ZBTB17: variants seen among roughly 807,000 people sequenced by gnomAD.
ZBTB17 encodes zinc finger and BTB domain-containing protein 17.
A neutral mutation model predicts 85.1 loss-of-function variants in ZBTB17; 24 were observed. That is an observed-to-expected ratio of 0.28 (90% confidence interval 0.20 to 0.40). The LOEUF (loss-of-function observed/expected upper bound fraction) is 0.40, where lower values mean the gene tolerates loss of function less well. Among genes scored for constraint, ZBTB17 ranks in the 10% least tolerant of loss-of-function variants. ZBTB17 has a pLI of 1.00. For synonymous variants in ZBTB17, 464 were observed against 460.2 expected (o/e 1.01, Z -0.11); for missense variants, 743 against 1,105.1 (o/e 0.67, Z 4.65).
At position 15,975,954 on chromosome 1, in the gene ZBTB17, C is replaced by A. The variant is rs371531378; in HGVS notation, c.-90+29G>T. The A allele has an allele frequency of 1.2e-4, 82 of 699,318 alleles. No individual in the cohort carries two copies. Among genetic ancestry groups the A allele is most frequent in the African/African-American group, 6.3e-4 (36 of 57,140 alleles). The allele number at this position is 699,318 out of a possible 1,614,324, so 43.3% of individuals were successfully genotyped here. On this transcript the variant is annotated intron_variant, in intron 1 of 15. Coordinates refer to ENST00000375743, the MANE Select transcript of ZBTB17 (RefSeq NM_003443.3). ...CCTCCGCCCCGGCTCCCGGGACTTC[C>A]CCGGCCCCGGGCGATTGTTGACACT...
At chr1:15,970,017 GGAT>G in intron 2 of ZBTB17, 1 of 784,898 alleles carries the variant, frequency 1.3e-6, no homozygotes, top group Non-Finnish European at 2.1e-6. Context: ...GCATTCACTG[GGAT>G]GATGCTTTTC....
At position 15,944,959 on chromosome 1, in the gene ZBTB17, C is replaced by G; in HGVS notation, c.905G>C (p.Gly302Ala). ...CACCTCGCACTTGTGGATGACGGAG[C>G]CGTAGGCCTTGGACTCCGTGCGGTC... ...YGDRTESKAY[G>A]SVIHKCEDCG... The change falls in exon 7 of 16, where the codon GGC becomes GCC. Residue 302 changes from glycine to alanine, a missense_variant. Physicochemically the swap from Gly to Ala is moderately conservative, Grantham distance 60. This residue lies in a region of ZBTB17 where 279 missense variants were observed against 269.9 expected (regional missense o/e 1.03). Coordinates refer to ENST00000375743, the MANE Select transcript of ZBTB17 (RefSeq NM_003443.3). 1 of 1,580,372 alleles carries G rather than the reference C, an allele frequency of 6.3e-7. No individual in the cohort carries two copies. Among genetic ancestry groups the G allele is most frequent in the Non-Finnish European group, 8.6e-7 (1 of 1,166,266 alleles).
At chr1:15,955,791 A>G (rs1248238802) in intron 2 of ZBTB17, among the ~76,000 whole-genome samples, 1 of 152,192 alleles carries the variant, frequency 6.6e-6, no homozygotes, top group East Asian at 1.9e-4. Context: ...CCATGTCTAC[A>G]AAATAAAAAT....
intron 2 of ZBTB17, among the ~76,000 whole-genome samples, chr1:15,969,308 T>TTATATATTACAATGTAA (rs1553186751): frequency 6.6e-6 from 1 of 152,184 alleles, no homozygotes; most frequent in Non-Finnish European, 1.5e-5. Context: ...AATTATTTCA[T>TTATATATTACAATGTAA]TATATATTAC....
rs994152360 is a variant in ZBTB17, at chr1:15,976,035, G to A, written c.-142C>T. The A allele has an allele frequency of 1.4e-6, 1 of 696,190 alleles. No homozygotes were observed. Among genetic ancestry groups the A allele is most frequent in the Non-Finnish European group, 2.6e-6 (1 of 381,776 alleles). The allele number at this position is 696,190 out of a possible 1,614,324, so 43.1% of individuals were successfully genotyped here. ...GGGAGGTGCATCACGGCCGCGAGAAGGCCGGGGACGGCACTCCAGAGCAGA... is the reference window on the plus strand; with the variant it reads ...GGGAGGTGCATCACGGCCGCGAGAAAGCCGGGGACGGCACTCCAGAGCAGA... On this transcript the variant is annotated 5_prime_UTR_variant, in exon 1 of 16. Transcript: ENST00000375743.
chr1:15,944,142 C>G (rs775434518), intron 9 of ZBTB17, 158 bp downstream of exon 9: 1 of 1,200,564 alleles, frequency 8.3e-7, no homozygotes, highest in Non-Finnish European at 1.2e-6. Flanking sequence ...GGAGCTCCCC[C>G]GCGGAAGTGG....
In ZBTB17 at chr1:15,948,437, A is replaced by T; in HGVS notation, c.59T>A (p.Leu20Gln). Reference sequence around the variant, plus strand: ...AAAGGTGCAGTCACAGAGAAGCCCCAGCTGCCGCTGCTGGTTCAGCTGTTC... The same window carrying T: ...AAAGGTGCAGTCACAGAGAAGCCCCTGCTGCCGCTGCTGGTTCAGCTGTTC... ...VLEQLNQQRQ[L>Q]GLLCDCTFVV... is the part of the protein sequence containing the mutation. The change falls in exon 3 of 16, where the codon CTG becomes CAG. Residue 20 changes from leucine (L) to glutamine (Q), a missense_variant. Leu to Gln is a moderately radical substitution (Grantham distance 113). Around this residue, in one of 4 missense-constraint regions of ZBTB17, gnomAD observed 74 missense variants for 142.6 expected, o/e 0.52. Transcript: ENST00000375743. 6.2e-7 allele frequency: 1 copy of T among 1,614,054 alleles called. No individual in the cohort carries two copies. The highest frequency in any genetic ancestry group is 8.5e-7 in the Non-Finnish European group (1 of 1,180,054).
intron 1 of ZBTB17, 80 bp downstream of exon 1, chr1:15,975,903 G>A (rs947212966): frequency 1.6e-6 from 1 of 620,496 alleles, no homozygotes; most frequent in African/African-American, 1.9e-5. Flanking sequence ...CGTCACCGGC[G>A]TCCCACCGCG....
rs767488350 is a variant in ZBTB17, at chr1:15,966,835, G to A, written c.-3+6204C>T. Among the ~76,000 whole-genome samples the A allele has an allele frequency of 3.3e-5, 5 of 151,920 alleles. No individual in the cohort carries two copies. The highest frequency in any genetic ancestry group is 7.4e-5 in the Non-Finnish European group (5 of 68,014). On this transcript the variant is annotated intron_variant, in intron 2 of 15. Coordinates refer to ENST00000375743, the MANE Select transcript of ZBTB17 (RefSeq NM_003443.3). The surrounding 1 kb of genome is among the most constrained non-coding windows in gnomAD (Gnocchi z 4.1). The stretch of plus-strand genomic sequence containing the variant: ...AGGTGGGAGGATCGCTTGAGCCCTG[G>A]AGGTCGAGGCTGCAGTGAGCTATAA...
At chr1:15,944,668 C>T (rs1403183302) in intron 8 of ZBTB17, 29 bp downstream of exon 8, 1 of 1,603,358 alleles carries the variant, frequency 6.2e-7, no homozygotes, top group South Asian at 1.1e-5. Flanking sequence ...TGGCAGGGGC[C>T]GGGGTAGGAG....
At chr1:15,943,297 T>C (rs1430115705) in intron 12 of ZBTB17, 102 bp downstream of exon 12, 1 of 1,595,496 alleles carries the variant, frequency 6.3e-7, no homozygotes, top group Non-Finnish European at 8.6e-7. Flanking sequence ...GCCTGGGGCG[T>C]GGGCAGCAGT....
At chr1:15,946,054 G>C in intron 5 of ZBTB17, 100 bp downstream of exon 5, 1 of 1,582,154 alleles carries the variant, frequency 6.3e-7, no homozygotes, top group Non-Finnish European at 8.6e-7. Flanking sequence ...AAGAGGTGCA[G>C]GTGCCCGTGC....
chr1:15,943,650 G>A lies in ZBTB17; in HGVS notation c.1525C>T (p.Arg509Ter). 1 of 1,613,044 alleles carries A rather than the reference G, an allele frequency of 6.2e-7. No homozygotes were observed. Among genetic ancestry groups the A allele is most frequent in the Non-Finnish European group, 8.5e-7 (1 of 1,179,906 alleles). ...AGAGCGCCGGGGTCTGCAAACTGTCGCTGGCAGTGGATGCACACGTAGGGC... is the reference window on the plus strand; with the variant it reads ...AGAGCGCCGGGGTCTGCAAACTGTCACTGGCAGTGGATGCACACGTAGGGC... The part of the protein sequence containing the change: ...EKPYVCIHCQ[R>*]QFADPGALQR... The change falls in exon 11 of 16, where the codon CGA becomes TGA. Residue 509 changes from arginine to a stop codon, truncating the protein, a stop_gained. Transcript: ENST00000375743. LOFTEE classifies it high-confidence loss of function.
Position 15,951,280 on chromosome 1 carries a change from G to A in ZBTB17, c.-2-2783C>T, listed in dbSNP as rs960255158. 1.4e-5 allele frequency among the ~76,000 whole-genome samples: 2 copies of A among 145,784 alleles called. No individual in the cohort carries two copies. Among genetic ancestry groups the A allele is most frequent in the African/African-American group, 2.5e-5 (1 of 40,020 alleles). ...GGAGGAAGAAGTGAAGATGGGCAAA[G>A]TAAGGGAAGGAAAGGAGAGAGAAGA... On this transcript the variant is annotated intron_variant, in intron 2 of 15. Transcript: ENST00000375743. The surrounding 1 kb of genome is among the most constrained non-coding windows in gnomAD (Gnocchi z 4.1).
rs750794036 is a variant in ZBTB17, at chr1:15,943,529, G to A, written c.1577-10C>T. On this transcript the variant is annotated splice_polypyrimidine_tract_variant and intron_variant, in intron 11 of 15. Coordinates refer to ENST00000375743, the MANE Select transcript of ZBTB17 (RefSeq NM_003443.3). ...TGGCATGGCTTCTCACCTGGGGACC[G>A]GGCAGAAGGTGTTGGTGCCTGCTCC... 39 of 1,609,912 alleles carry A rather than the reference G, an allele frequency of 2.4e-5. No individual in the cohort carries two copies. The highest frequency in any genetic ancestry group is 1.7e-4 in the Middle Eastern group (1 of 6,048).
chr1:15,942,282 G>T, intron 15 of ZBTB17, 30 bp from the exon 16 acceptor site: 1 of 1,613,594 alleles, frequency 6.2e-7, no homozygotes, highest in Non-Finnish European at 8.5e-7. Flanking sequence ...GTCAGAGTGG[G>T]AAGGACCCCG....
Position 15,945,087 on chromosome 1 carries a change from G to A in ZBTB17, c.777C>T (p.Asn259=), listed in dbSNP as rs768331370. 3.1e-6 allele frequency: 5 copies of A among 1,611,452 alleles called. No individual in the cohort carries two copies. In the South Asian group the frequency reaches 3.3e-5, roughly 11 times the overall value. The change falls in exon 7 of 16, where the codon AAC becomes AAT. Residue 259 remains asparagine, a synonymous_variant. Transcript: ENST00000375743. The stretch of plus-strand genomic sequence containing the variant: ...TCTCGTTCTCCTCGGGGGCCTCTCC[G>A]TTCTCCAGCTGGGAACCCTCCTCCT... ...EVKEEGSQLE[N]GEAPEENENE...
chr1:15,942,832 CT>C, intron 13 of ZBTB17, 94 bp from the exon 14 acceptor site: 1 of 1,474,120 alleles, frequency 6.8e-7, no homozygotes, highest in Non-Finnish European at 9.2e-7. Flanking sequence ...GCAACCCTGT[CT>C]TTTACAGCAG....
rs2071874507 is a variant in ZBTB17 at position 15,952,043 on chromosome 1, T to C, written c.-2-3546A>G. 6.6e-6 allele frequency among the ~76,000 whole-genome samples: 1 copy of C among 152,170 alleles called. No individual in the cohort carries two copies. The highest frequency in any genetic ancestry group is 6.5e-5 in the Admixed American group (1 of 15,268). ...CAAGGTCTGTGGTCTTGTCTTCACC[T>C]TGCGTGATGGGCGATAAATATGTGC... On this transcript the variant is annotated intron_variant, in intron 2 of 15. Coordinates refer to ENST00000375743, the MANE Select transcript of ZBTB17 (RefSeq NM_003443.3). This position sits in a 1 kb window ranked among gnomAD's most constrained non-coding sequence, Gnocchi z 4.3.
Sources: gnomAD v4.1 joint callset for allele counts (sites outside exome capture counted in the v4.1 genomes callset) on GRCh38, gnomAD v4.1.1 for gene constraint, gnomAD v4.1.1 regional missense constraint, Gnocchi (gnomAD v3.1) non-coding constraint, MANE v1.5 for transcripts, NCBI Gene and HGNC (gene_info 2026-07-23, HGNC 2026-07-21) for gene names.